Variants in CASR observed in about 807,000 individuals in gnomAD.
CASR encodes the protein extracellular calcium-sensing receptor.
Under a neutral mutation model 69.1 loss-of-function variants are expected in CASR, and 23 were observed. That is an observed-to-expected ratio of 0.33 (90% CI 0.24 to 0.47). The LOEUF is 0.47. Among genes scored for constraint, CASR ranks in the 20% least tolerant of loss-of-function variants. CASR has a pLI of 1.00. For missense variants in CASR, 924 were observed against 1,356.1 expected, an observed-to-expected ratio of 0.68 and a Z score of 5.00; for synonymous variants, 541 against 544.7, an observed-to-expected ratio of 0.99 and a Z score of 0.10.
At chr3:122,258,862 C>CA (rs1294992697) in intron 3 of CASR, among the ~76,000 whole-genome samples, 1 of 151,944 alleles carries the variant, frequency 6.6e-6, no homozygotes, top group Non-Finnish European at 1.5e-5. Flanking sequence ...AGCTGAGATG[C>CA]AGCCTAGGTG....
Position 122,275,968 on chromosome 3 carries a change from A to G in CASR, c.1534A>G (p.Asn512Asp), listed in dbSNP as rs1576870447. ...SIVFKEVGYY[N>D]VYAKKGERLF... ...CGTGTTTAAGGAAGTCGGGTATTAC[A>G]ACGTCTATGCCAAGAAGGGAGAAAG... The change falls in exon 5 of 7, where the codon AAC (asparagine) becomes GAC (aspartate). Residue 512 changes from asparagine to aspartate, a missense_variant. Asn to Asp is a conservative substitution (Grantham distance 23). Around this residue, in one of 8 missense-constraint regions of CASR, gnomAD observed 310 missense variants for 395.7 expected, o/e 0.78. Coordinates refer to ENST00000639785, the MANE Select transcript of CASR (RefSeq NM_000388.4). The G allele has an allele frequency of 1.2e-6, 2 of 1,614,080 alleles. No individual in the cohort carries two copies. The highest frequency in any genetic ancestry group is 1.7e-6 in the Non-Finnish European group (2 of 1,179,946).
Position 122,284,918 on chromosome 3 carries a change from C to G in CASR, c.2964C>G (p.Ala988=), listed in dbSNP as rs202014330. 20 of 1,614,040 alleles carry G rather than the reference C, an allele frequency of 1.2e-5. No homozygotes were observed. Among genetic ancestry groups the G allele is most frequent in the Admixed American group, 1.7e-5 (1 of 60,004 alleles). The change falls in exon 7 of 7, where the codon GCC becomes GCG. Residue 988 remains alanine, a synonymous_variant. Coordinates refer to ENST00000639785, the MANE Select transcript of CASR (RefSeq NM_000388.4). ...ATGAGCCTCAGAAGAACGCCATGGC[C>G]CACAGGAATTCTACGCACCAGAACT... The part of the protein sequence containing the change: ...SFDEPQKNAM[A]HRNSTHQNSL...
intron 1 of CASR, among the ~76,000 whole-genome samples, chr3:122,195,296 A>G (rs1013225517): frequency 3.3e-5 from 5 of 152,180 alleles, no homozygotes; most frequent in Admixed American, 1.3e-4. Context: ...ATTTAGTTCA[A>G]AAGTGCTGGT....
chr3:122,185,162 T>C (rs975641650), intron 1 of CASR, among the ~76,000 whole-genome samples: 4 of 152,232 alleles, frequency 2.6e-5, no homozygotes, highest in Non-Finnish European at 5.9e-5. Context: ...AACATGCATA[T>C]GTTTCTTTTT....
chr3:122,225,502 C>A (rs2332237), intron 1 of CASR, among the ~76,000 whole-genome samples: 107,644 of 149,742 alleles, frequency 0.72, 38,873 homozygotes, highest in Admixed American at 0.82. Flanking sequence ...CAAATCAAAA[C>A]CACAATAAGA....
Position 122,288,089 on chromosome 3 carries a change from G to C in CASR, c.*2898G>C, listed in dbSNP as rs2074985153. The C allele has an allele frequency of 6.6e-6, 1 of 152,288 alleles. No homozygotes were observed. Among genetic ancestry groups the C allele is most frequent in the Non-Finnish European group, 1.5e-5 (1 of 68,084 alleles). The allele number at this position is 152,288 out of a possible 1,614,324, so 9.4% of individuals were successfully genotyped here. A position where few individuals can be genotyped will look rare whatever the true frequency, so the allele number is the denominator to read the frequency against. On this transcript the variant is annotated 3_prime_UTR_variant, in exon 7 of 7. Transcript: ENST00000639785. ...AAGATTGCTAATCAGCTGACCTTGAGATAGGAAGAGCGTCCCAAATTATCC... is the reference window on the plus strand; with the variant it reads ...AAGATTGCTAATCAGCTGACCTTGACATAGGAAGAGCGTCCCAAATTATCC...
chr3:122,230,497 T>A (rs574247073), intron 1 of CASR, among the ~76,000 whole-genome samples: 17 of 152,132 alleles, frequency 1.1e-4, no homozygotes, highest in South Asian at 2.1e-4. Context: ...GCAACCTCCT[T>A]CCCTGAGGGG....
chr3:122,231,125 T>A (rs2074274375), intron 1 of CASR, among the ~76,000 whole-genome samples: 1 of 152,212 alleles, frequency 6.6e-6, no homozygotes, highest in South Asian at 2.1e-4. Flanking sequence ...CTTGTAGAAG[T>A]GAGAAGTGTG....
chr3:122,199,142 A>G (rs2073918099), intron 1 of CASR, among the ~76,000 whole-genome samples: 1 of 152,236 alleles, frequency 6.6e-6, no homozygotes, highest in East Asian at 1.9e-4. Flanking sequence ...CACATTGCTT[A>G]TACATCTTTC....
intron 1 of CASR, among the ~76,000 whole-genome samples, chr3:122,192,350 GCTT>G (rs1250241857): frequency 6.6e-6 from 1 of 152,094 alleles, no homozygotes; most frequent in Non-Finnish European, 1.5e-5. Flanking sequence ...CTGTTATGTG[GCTT>G]AAATGGGTTC....
chr3:122,194,225 A>G (rs2073865941), intron 1 of CASR, among the ~76,000 whole-genome samples: 1 of 152,026 alleles, frequency 6.6e-6, no homozygotes, highest in Admixed American at 6.5e-5. Context: ...GTCCCCAAAT[A>G]TACTCGCACA....
At position 122,183,774 on chromosome 3, in the gene CASR, G is replaced by C. The variant is rs1458598189; in HGVS notation, c.-281G>C. On this transcript the variant is annotated 5_prime_UTR_variant, in exon 1 of 7. Coordinates refer to ENST00000639785, the MANE Select transcript of CASR (RefSeq NM_000388.4). Reference sequence around the variant, plus strand: ...AGCTGTTTGCCAGCACCGAGGTCTTGCGGCACAGGCAACGCTTGACCTGAG... The same window carrying C: ...AGCTGTTTGCCAGCACCGAGGTCTTCCGGCACAGGCAACGCTTGACCTGAG... The C allele has an allele frequency of 6.6e-6, 1 of 152,262 alleles. No individual in the cohort carries two copies. Among genetic ancestry groups the C allele is most frequent in the East Asian group, 1.9e-4 (1 of 5,188 alleles). 9.4% of individuals were successfully genotyped at this position (152,262 alleles called of 1,614,324 possible). A position where few individuals can be genotyped will look rare whatever the true frequency, so the allele number is the denominator to read the frequency against.
At chr3:122,268,987 G>C (rs2074724413) in intron 4 of CASR, among the ~76,000 whole-genome samples, 1 of 152,110 alleles carries the variant, frequency 6.6e-6, no homozygotes, top group South Asian at 2.1e-4. Context: ...GGGTTATTGA[G>C]GCATAAAGAT....
chr3:122,194,638 T>A (rs1559933576), intron 1 of CASR, among the ~76,000 whole-genome samples: 1 of 152,242 alleles, frequency 6.6e-6, no homozygotes, highest in Non-Finnish European at 1.5e-5. Context: ...TTCTCATCAA[T>A]GTTATGAGAA....
chr3:122,214,602 A>G (rs1303473487), intron 1 of CASR, among the ~76,000 whole-genome samples: 1 of 152,220 alleles, frequency 6.6e-6, no homozygotes, highest in African/African-American at 2.4e-5. Flanking sequence ...CTCTGATCCA[A>G]CAGGGAAAGA....
chr3:122,263,893 A>G (rs1347191371), intron 4 of CASR, among the ~76,000 whole-genome samples: 2 of 152,016 alleles, frequency 1.3e-5, no homozygotes, highest in African/African-American at 4.8e-5. Flanking sequence ...GTAAGGGAGC[A>G]ATCTTCTAGG....
rs143705939 is a variant in CASR at position 122,283,167 on chromosome 3, T to C, written c.1733-520T>C. Among the ~76,000 whole-genome samples the C allele has an allele frequency of 1.2e-4, 19 of 152,344 alleles. No homozygotes were observed. The East Asian group carries it at 2.9e-3, about 23-fold the overall frequency. On this transcript the variant is annotated intron_variant, in intron 6 of 6. Coordinates refer to ENST00000639785, the MANE Select transcript of CASR (RefSeq NM_000388.4). ...ACAAAGCCCATCCATATATCCAAAA[T>C]AAATCACTCTCCATGTGAGATGTCA... is the stretch of plus-strand genomic sequence containing the variant.
intron 1 of CASR, among the ~76,000 whole-genome samples, chr3:122,220,607 T>C (rs34572168): frequency 0.037 from 5,708 of 152,336 alleles, 129 homozygotes; most frequent in South Asian, 0.071. Flanking sequence ...AACGATATTA[T>C]TTTTGTCTTC....
At chr3:122,208,454 A>C (rs1466176942) in intron 1 of CASR, among the ~76,000 whole-genome samples, 1 of 152,174 alleles carries the variant, frequency 6.6e-6, no homozygotes, top group African/African-American at 2.4e-5. Context: ...TTATACTACT[A>C]AGCTGGCTGA....
Sources: gnomAD v4.1 joint callset for allele counts (sites outside exome capture counted in the v4.1 genomes callset) on GRCh38, gnomAD v4.1.1 for gene constraint, gnomAD v4.1.1 regional missense constraint, MANE v1.5 for transcripts, NCBI Gene and HGNC (gene_info 2026-07-23, HGNC 2026-07-21) for gene names.